DNAH14: variants seen among roughly 807,000 people sequenced by gnomAD.
DNAH14 encodes the protein dynein axonemal heavy chain 14.
DNAH14 carries 478 observed loss-of-function variants against 520.9 expected under a neutral mutation model. That is an observed-to-expected ratio of 0.92 (90% confidence interval 0.85 to 0.99). DNAH14 has a LOEUF of 0.99. Among genes scored for constraint, DNAH14 ranks in the 50% least tolerant of loss-of-function variants. DNAH14 has a pLI of 0.00. For missense variants in DNAH14, 4,831 were observed against 5,234.5 expected, an observed-to-expected ratio of 0.92 and a Z score of 2.38; for synonymous variants, 1,581 against 1,757.2, an observed-to-expected ratio of 0.90 and a Z score of 2.51.
At chr1:225,063,857 C>G (rs2070505318) in intron 17 of DNAH14, among the ~76,000 whole-genome samples, 1 of 149,624 alleles carries the variant, frequency 6.7e-6, no homozygotes, top group Admixed American at 6.7e-5. Context: ...TTACTGAAAA[C>G]AAGTGAAAAG....
Position 225,360,820 on chromosome 1 carries a change from A to G in DNAH14, c.11916A>G (p.Gln3972=). 1.9e-6 allele frequency: 3 copies of G among 1,551,734 alleles called. No individual in the cohort carries two copies. Among genetic ancestry groups the G allele is most frequent in the South Asian group, 2.4e-5 (2 of 84,068 alleles). Residue 3972 remains glutamine, a synonymous_variant, in exon 75 of 86, where the codon CAA becomes CAG. Transcript: ENST00000682510. ...TTTTAAAGGCACTAACAAAAACACA[A>G]CAATGGGTCTTCCTCCAGAACTGCC... ...DLILKALTKT[Q]QWVFLQNCHL... is the part of the protein sequence containing the mutation.
intron 17 of DNAH14, among the ~76,000 whole-genome samples, chr1:225,055,927 G>C (rs1007275952): frequency 2.6e-5 from 4 of 152,006 alleles, no homozygotes; most frequent in Admixed American, 2.6e-4. Context: ...TCTTAATCCA[G>C]TCTATCATTG....
In DNAH14 at chr1:225,389,730, C is replaced by G. The variant is rs2095881703; in HGVS notation, c.13191-4C>G. On this transcript the variant is annotated splice_polypyrimidine_tract_variant and splice_region_variant and intron_variant, in intron 82 of 85. Coordinates refer to ENST00000682510, the MANE Select transcript of DNAH14 (RefSeq NM_001367479.1). ...CCCCCAACCTGTGGTCTGCCTTCCA[C>G]TAGGTATATGAGATTTGTCACAGTT... 4.5e-6 allele frequency: 7 copies of G among 1,552,084 alleles called. No individual in the cohort carries two copies. Among genetic ancestry groups the G allele is most frequent in the Non-Finnish European group, 6.1e-6 (7 of 1,147,010 alleles).
chr1:224,967,406 TTTA>T (rs2125600337), intron 5 of DNAH14, 22 bp from the exon 6 acceptor site: 1 of 1,487,274 alleles, frequency 6.7e-7, no homozygotes, highest in Non-Finnish European at 9.0e-7. Context: ...ATTAAATTTG[TTTA>T]TTATTTTTTT....
intron 53 of DNAH14, among the ~76,000 whole-genome samples, chr1:225,276,977 GGA>G (rs1558241355): frequency 4.0e-4 from 23 of 57,580 alleles, no homozygotes; most frequent in African/African-American, 1.2e-3. Context: ...AAGGAAGGAA[GGA>G]AGGAAGGGAG....
rs113085335 is a variant in DNAH14 at position 225,376,037 on chromosome 1, G to A, written c.12516+1152G>A. On this transcript the variant is annotated intron_variant, in intron 78 of 85. Transcript: ENST00000682510. ...CAGGAGGTGGAGATTTCAGTGAGCC[G>A]AGATCACACCACTGCATTCCATCCT... 2.9e-3 allele frequency among the ~76,000 whole-genome samples: 437 copies of A among 150,740 alleles called. 1 individual carries two copies. Among genetic ancestry groups the A allele is most frequent in the African/African-American group, 6.6e-3 (271 of 40,980 alleles).
At chr1:224,962,574 A>G (rs893285369) in intron 4 of DNAH14, among the ~76,000 whole-genome samples, 4 of 152,102 alleles carry the variant, frequency 2.6e-5, no homozygotes, top group African/African-American at 9.7e-5. Flanking sequence ...GCTTGGAGGC[A>G]AGTCTTTCAC....
rs1441569832 is a variant in DNAH14, at chr1:225,232,371, G to C, written c.6518+1220G>C. Among the ~76,000 whole-genome samples, 1 of 151,730 alleles carries C rather than the reference G, an allele frequency of 6.6e-6. No individual in the cohort carries two copies. The highest frequency in any genetic ancestry group is 1.5e-5 in the Non-Finnish European group (1 of 67,982). Reference sequence around the variant, plus strand: ...ATTTTGTTATTAACAATAGTAATATGATTAATGTGCTTGTACATGTCTCTT... The same window carrying C: ...ATTTTGTTATTAACAATAGTAATATCATTAATGTGCTTGTACATGTCTCTT... On this transcript the variant is annotated intron_variant, in intron 42 of 85. Transcript: ENST00000682510. The surrounding 1 kb of genome is among the most constrained non-coding windows in gnomAD (Gnocchi z 4.2).
At chr1:225,073,225 G>A (rs1328126206) in intron 17 of DNAH14, among the ~76,000 whole-genome samples, 1 of 152,112 alleles carries the variant, frequency 6.6e-6, no homozygotes, top group Non-Finnish European at 1.5e-5. Context: ...TTTTGTGGGG[G>A]TGTTGTGCTG....
intron 41 of DNAH14, among the ~76,000 whole-genome samples, chr1:225,213,953 G>T (rs1228652651): frequency 6.6e-6 from 1 of 152,142 alleles, no homozygotes; most frequent in African/African-American, 2.4e-5. Context: ...TGTTGAATAG[G>T]AGTGGTGACA....
At chr1:225,110,175 A>G (rs2076377418) in intron 23 of DNAH14, among the ~76,000 whole-genome samples, 2 of 152,040 alleles carry the variant, frequency 1.3e-5, no homozygotes, top group Admixed American at 1.3e-4. Context: ...TGCTTTTAGT[A>G]TCAGGGTAAT....
intron 41 of DNAH14, among the ~76,000 whole-genome samples, chr1:225,226,488 A>C (rs1194142069): frequency 6.6e-6 from 1 of 152,240 alleles, no homozygotes; most frequent in Non-Finnish European, 1.5e-5. Flanking sequence ...GCTAAAGAAC[A>C]AAGCCGGAAA....
intron 1 of DNAH14, among the ~76,000 whole-genome samples, chr1:224,938,675 C>A (rs538135857): frequency 6.6e-6 from 1 of 152,300 alleles, no homozygotes; most frequent in Non-Finnish European, 1.5e-5. Context: ...TGTGATCCAG[C>A]AATTCCACTA....
chr1:225,001,808 C>A (rs1202203157), intron 8 of DNAH14, among the ~76,000 whole-genome samples: 1 of 152,052 alleles, frequency 6.6e-6, no homozygotes, highest in Non-Finnish European at 1.5e-5. Context: ...TGCCACATGT[C>A]TTTAGCATAA....
chr1:224,964,666 T>A (rs1179091227), intron 5 of DNAH14, 57 bp downstream of exon 5: 5 of 1,318,116 alleles, frequency 3.8e-6, no homozygotes, highest in Non-Finnish European at 5.1e-6. Context: ...AAATTATATT[T>A]TAATTTTTAT....
At chr1:225,093,415 T>G (rs1197528608) in intron 21 of DNAH14, among the ~76,000 whole-genome samples, 3 of 152,104 alleles carry the variant, frequency 2.0e-5, no homozygotes, top group Non-Finnish European at 4.4e-5. Flanking sequence ...AGAAAAAGCT[T>G]TCAATAAAAT....
intron 77 of DNAH14, among the ~76,000 whole-genome samples, chr1:225,372,074 C>T (rs1279200387): frequency 2.0e-5 from 3 of 152,042 alleles, no homozygotes; most frequent in African/African-American, 7.2e-5. Context: ...AGTGGAGGTC[C>T]GATTCCACAG....
chr1:225,142,113 A>G (rs1014302324), intron 28 of DNAH14, among the ~76,000 whole-genome samples: 1 of 152,168 alleles, frequency 6.6e-6, no homozygotes, highest in Admixed American at 6.5e-5. Context: ...GCCAAAGAGG[A>G]TATATTGTAT....
At chr1:225,369,921 C>T (rs2095598700) in intron 77 of DNAH14, among the ~76,000 whole-genome samples, 1 of 152,078 alleles carries the variant, frequency 6.6e-6, no homozygotes, top group African/African-American at 2.4e-5. Context: ...CTCGGTGGCT[C>T]ACAGCTGTAA....
Sources: gnomAD v4.1 joint callset for allele counts (sites outside exome capture counted in the v4.1 genomes callset) on GRCh38, gnomAD v4.1.1 for gene constraint, Gnocchi (gnomAD v3.1) non-coding constraint, MANE v1.5 for transcripts, NCBI Gene and HGNC (gene_info 2026-07-23, HGNC 2026-07-21) for gene names.